The following CRIM1 variants were observed in gnomAD, a reference collection of about 807,000 sequenced individuals.
The protein encoded by CRIM1 is cysteine rich transmembrane BMP regulator 1, also known as cysteine-rich motor neuron 1 protein.
Under a neutral mutation model 116.4 loss-of-function variants are expected in CRIM1, and 32 were observed. The observed-to-expected ratio is 0.27, with a 90% CI of 0.21 to 0.37. The LOEUF is 0.37. Among genes scored for constraint, CRIM1 ranks in the 10% least tolerant of loss-of-function variants. CRIM1 has a pLI of 1.00. For synonymous variants in CRIM1, 590 were observed against 509.2 expected (o/e 1.16, Z -2.13); for missense variants, 1,331 against 1,354.8 (o/e 0.98, Z 0.28).
In CRIM1 at chr2:36,513,541, C is replaced by G; in HGVS notation, c.1781-15C>G. 4 of 1,612,852 alleles carry G rather than the reference C, an allele frequency of 2.5e-6. No individual in the cohort carries two copies. The highest frequency in any genetic ancestry group is 3.4e-6 in the Non-Finnish European group (4 of 1,179,010). ...AGTAGCCACTTCTTTACCAGGCTGC[C>G]TTTTGTCTGTCCAGAGGCCTCTGCT... is the stretch of plus-strand genomic sequence containing the variant. On this transcript the variant is annotated splice_polypyrimidine_tract_variant and intron_variant, in intron 10 of 16. Coordinates refer to ENST00000280527, the MANE Select transcript of CRIM1 (RefSeq NM_016441.3).
At chr2:36,537,787 T>A (rs778986720) in intron 14 of CRIM1, among the ~76,000 whole-genome samples, 20 of 152,214 alleles carry the variant, frequency 1.3e-4, no homozygotes, top group Non-Finnish European at 1.8e-4. Context: ...TCATTTGCAT[T>A]CTCTAAACTT....
chr2:36,549,609 T>G lies in CRIM1; in HGVS notation c.*908T>G, dbSNP rs973334501. The G allele has an allele frequency of 2.6e-5, 4 of 152,618 alleles. No individual in the cohort carries two copies. Among genetic ancestry groups the G allele is most frequent in the Admixed American group, 1.3e-4 (2 of 15,292 alleles). 9.5% of individuals were successfully genotyped at this position (152,618 alleles called of 1,614,324 possible). ...GGTTGTTCATAGTTTTTGTTGAAGC[T>G]CTAGCTTAAGAAGAAACTTTTTTTA... On this transcript the variant is annotated 3_prime_UTR_variant, in exon 17 of 17. Transcript: ENST00000280527.
At chr2:36,388,166 CAG>C (rs774584340) in intron 1 of CRIM1, among the ~76,000 whole-genome samples, 2 of 152,060 alleles carry the variant, frequency 1.3e-5, no homozygotes, top group Non-Finnish European at 2.9e-5. Flanking sequence ...TGTGTAATGA[CAG>C]AGTGCTTCAG....
At chr2:36,541,027 ACATT>A (rs913589153) in intron 14 of CRIM1, among the ~76,000 whole-genome samples, 25 of 152,142 alleles carry the variant, frequency 1.6e-4, no homozygotes, top group African/African-American at 5.6e-4. Flanking sequence ...TCCTGATGAA[ACATT>A]TTTCTATCTT....
chr2:36,439,128 G>A (rs768031198), intron 2 of CRIM1, among the ~76,000 whole-genome samples: 1 of 152,214 alleles, frequency 6.6e-6, no homozygotes, highest in African/African-American at 2.4e-5. Context: ...GTGCCATGAA[G>A]TGGTATTCTA....
chr2:36,478,155 T>C (rs1679130715), intron 6 of CRIM1, among the ~76,000 whole-genome samples: 1 of 152,224 alleles, frequency 6.6e-6, no homozygotes, highest in Non-Finnish European at 1.5e-5. Context: ...GATCTGAAAA[T>C]GTTTAAAGTA....
intron 1 of CRIM1, among the ~76,000 whole-genome samples, chr2:36,388,646 C>T (rs946715809): frequency 4.6e-5 from 7 of 152,160 alleles, no homozygotes; most frequent in Non-Finnish European, 8.8e-5. Context: ...CTCCATTACA[C>T]CATCCCCCTC....
chr2:36,402,165 GAAA>G (rs1481908127), intron 2 of CRIM1, among the ~76,000 whole-genome samples: 1 of 152,128 alleles, frequency 6.6e-6, no homozygotes, highest in Non-Finnish European at 1.5e-5. Context: ...AAATAAACAA[GAAA>G]ATAGCATATG....
At chr2:36,543,937 A>G (rs920057341) in intron 14 of CRIM1, among the ~76,000 whole-genome samples, 1 of 152,178 alleles carries the variant, frequency 6.6e-6, no homozygotes, top group African/African-American at 2.4e-5. Context: ...GAAGTCCATA[A>G]GAAGTGGACA....
At chr2:36,461,117 A>T (rs1167143781) in intron 4 of CRIM1, among the ~76,000 whole-genome samples, 1 of 152,206 alleles carries the variant, frequency 6.6e-6, no homozygotes, top group African/African-American at 2.4e-5. Flanking sequence ...GTAATGGAAG[A>T]TAAATTTTGA....
chr2:36,522,293 A>G lies in CRIM1; in HGVS notation c.2408A>G (p.Gln803Arg). Residue 803 changes from glutamine (Q) to arginine (R), a missense_variant, in exon 13 of 17, where the codon CAG (glutamine) becomes CGG (arginine). Coordinates refer to ENST00000280527, the MANE Select transcript of CRIM1 (RefSeq NM_016441.3). ...GAAAGACCTGTCTTGAGAAAAGGCC[A>G]GTGTTGTCCCTACTGCATAGGTAAG... Reference protein sequence around the residue: ...SCERPVLRKGQCCPYCIEDTI... With the variant: ...SCERPVLRKGRCCPYCIEDTI... 6.2e-7 allele frequency: 1 copy of G among 1,613,980 alleles called. No homozygotes were observed. Among genetic ancestry groups the G allele is most frequent in the South Asian group, 1.1e-5 (1 of 91,074 alleles).
chr2:36,546,457 A>G (rs1177094535), intron 15 of CRIM1, among the ~76,000 whole-genome samples: 1 of 152,180 alleles, frequency 6.6e-6, no homozygotes, highest in Non-Finnish European at 1.5e-5. Context: ...TATTGCTTAG[A>G]GTTCAGTGAA....
At position 36,359,661 on chromosome 2, in the gene CRIM1, T is replaced by C. The variant is rs115984090; in HGVS notation, c.331+3038T>C. Among the ~76,000 whole-genome samples the C allele has an allele frequency of 2.3e-3, 358 of 152,366 alleles. 3 individuals carry two copies. Among genetic ancestry groups the C allele is most frequent in the African/African-American group, 8.2e-3 (342 of 41,592 alleles). On this transcript the variant is annotated intron_variant, in intron 1 of 16. Transcript: ENST00000280527. ...GTGATGAGTTGTGTCCTGTGCACCA[T>C]GTGAGATGTGCACTTGGATTTCTTT...
chr2:36,489,011 G>C (rs1397446524), intron 7 of CRIM1, among the ~76,000 whole-genome samples: 1 of 152,112 alleles, frequency 6.6e-6, no homozygotes, highest in Non-Finnish European at 1.5e-5. Flanking sequence ...CCTGACTGCA[G>C]CTTATTCTTT....
At chr2:36,439,140 C>G (rs1675573192) in intron 2 of CRIM1, among the ~76,000 whole-genome samples, 1 of 152,128 alleles carries the variant, frequency 6.6e-6, no homozygotes, top group African/African-American at 2.4e-5. Flanking sequence ...GGTATTCTAT[C>G]CAACAGGAAA....
intron 1 of CRIM1, among the ~76,000 whole-genome samples, chr2:36,395,090 C>T (rs1386647544): frequency 6.8e-6 from 1 of 146,936 alleles, no homozygotes; most frequent in Non-Finnish European, 1.5e-5. Context: ...TCTTGGCTGA[C>T]GACAACCTCT....
chr2:36,374,346 T>G (rs1364821563), intron 1 of CRIM1, among the ~76,000 whole-genome samples: 1 of 152,238 alleles, frequency 6.6e-6, no homozygotes, highest in Non-Finnish European at 1.5e-5. Context: ...ACTGCCATCT[T>G]TTAAAGAATG....
At chr2:36,476,851 G>C (rs1392111633) in intron 5 of CRIM1, 38 bp from the exon 6 acceptor site, 3 of 1,532,284 alleles carry the variant, frequency 2.0e-6, no homozygotes, top group South Asian at 1.2e-5. Context: ...ACTAAAAAAT[G>C]ACTACAAATA....
At chr2:36,537,649 C>G in intron 14 of CRIM1, 103 bp downstream of exon 14, 1 of 1,285,528 alleles carries the variant, frequency 7.8e-7, no homozygotes, top group African/African-American at 1.5e-5. Context: ...TTCACACGGC[C>G]CAAGTAGCGT....
Sources: allele counts gnomAD v4.1 joint callset (sites outside exome capture counted in the v4.1 genomes callset), GRCh38; gene constraint gnomAD v4.1.1; transcripts MANE v1.5; gene names NCBI Gene and HGNC (gene_info 2026-07-23, HGNC 2026-07-21).